Variants in ITFG1 observed in about 807,000 individuals in gnomAD.
ITFG1 encodes the protein integrin alpha FG-GAP repeat containing 1, also known as T-cell immunomodulatory protein.
In ITFG1, 34 loss-of-function variants were observed where a neutral mutation model predicts 81.8. The observed-to-expected ratio is 0.42, with a 90% CI of 0.32 to 0.55. The LOEUF is 0.55. ITFG1 is among the 20% of genes least tolerant of loss of function. ITFG1 has a pLI of 0.17. For missense variants in ITFG1, 672 were observed against 755.4 expected (o/e 0.89, Z 1.29); for synonymous variants, 285 against 270.6 (o/e 1.05, Z -0.52).
At chr16:47,226,649 C>T (rs534957224) in intron 13 of ITFG1, among the ~76,000 whole-genome samples, 17 of 150,946 alleles carry the variant, frequency 1.1e-4, no homozygotes, top group African/African-American at 2.7e-4. Flanking sequence ...TGCGACAGTT[C>T]GCTGAGAATG....
At chr16:47,270,076 G>A (rs566964143) in intron 10 of ITFG1, among the ~76,000 whole-genome samples, 4 of 152,102 alleles carry the variant, frequency 2.6e-5, no homozygotes, top group South Asian at 2.1e-4. Flanking sequence ...AAAGGAACTC[G>A]GATATAATGG....
intron 14 of ITFG1, among the ~76,000 whole-genome samples, chr16:47,178,753 T>G (rs372357914): frequency 6.6e-5 from 10 of 151,808 alleles, no homozygotes; most frequent in South Asian, 2.1e-4. Context: ...AAGAGCTTCT[T>G]CACAGCAAAA....
rs149907648 is a variant in ITFG1 at position 47,237,334 on chromosome 16, TCA to T, written c.1374+629_1374+630del. 1.9e-3 allele frequency among the ~76,000 whole-genome samples: 284 copies of T among 152,336 alleles called. 3 individuals carry two copies. The Middle Eastern group carries it at 0.02, about 11-fold the overall frequency. Reference sequence around the variant, plus strand: ...TTGGATAATTTAACTTCTCTGAGTCTCAGTTTCCTTGTCTTTAAATAGGGGCT... The same window carrying T: ...TTGGATAATTTAACTTCTCTGAGTCTGTTTCCTTGTCTTTAAATAGGGGCT... On this transcript the variant is annotated intron_variant, in intron 13 of 17. Transcript: ENST00000320640.
Position 47,180,912 on chromosome 16 carries a change from G to A in ITFG1, c.1454-18248C>T, listed in dbSNP as rs867867232. The stretch of plus-strand genomic sequence containing the variant: ...TGGAAAGTGAGGAGCGTCTCTGCCC[G>A]GCTGCCATCCTGTCTAGGAAGTGAG... On this transcript the variant is annotated intron_variant, in intron 14 of 17. Transcript: ENST00000320640. 3.9e-4 allele frequency among the ~76,000 whole-genome samples: 59 copies of A among 151,622 alleles called. 1 individual carries two copies. Among genetic ancestry groups the A allele is most frequent in the African/African-American group, 1.2e-3 (51 of 41,312 alleles).
intron 14 of ITFG1, among the ~76,000 whole-genome samples, chr16:47,216,981 T>A (rs1965632665): frequency 6.6e-6 from 1 of 152,130 alleles, no homozygotes; most frequent in Non-Finnish European, 1.5e-5. Flanking sequence ...CATAAAAATA[T>A]ATGCAAATAG....
chr16:47,273,503 A>C (rs1966365024), intron 10 of ITFG1, among the ~76,000 whole-genome samples: 1 of 152,220 alleles, frequency 6.6e-6, no homozygotes, highest in African/African-American at 2.4e-5. Context: ...GAAATAGTCA[A>C]AGGCAATTAA....
intron 3 of ITFG1, 60 bp from the exon 4 acceptor site, chr16:47,452,850 T>C (rs1475982844): frequency 1.2e-6 from 1 of 842,742 alleles, no homozygotes; most frequent in Non-Finnish European, 1.8e-6. Context: ...TTTTGATATC[T>C]ATGCTTAGGA....
intron 2 of ITFG1, among the ~76,000 whole-genome samples, chr16:47,455,098 C>T (rs376776698): frequency 1.3e-5 from 2 of 152,126 alleles, no homozygotes; most frequent in African/African-American, 4.8e-5. Flanking sequence ...CAAAAGTCTA[C>T]AAAAGGAACA....
intron 8 of ITFG1, among the ~76,000 whole-genome samples, chr16:47,360,854 T>A (rs1012501074): frequency 6.6e-6 from 1 of 152,172 alleles, no homozygotes; most frequent in Non-Finnish European, 1.5e-5. Flanking sequence ...AATTTAGAAT[T>A]AACATCTGAA....
intron 14 of ITFG1, among the ~76,000 whole-genome samples, chr16:47,205,185 A>G (rs1345665480): frequency 1.3e-5 from 2 of 152,200 alleles, no homozygotes; most frequent in Non-Finnish European, 2.9e-5. Context: ...CTACATCAGG[A>G]TTTCTCAAGT....
At chr16:47,221,953 C>T (rs1365219045) in intron 13 of ITFG1, among the ~76,000 whole-genome samples, 1 of 152,024 alleles carries the variant, frequency 6.6e-6, no homozygotes, top group African/African-American at 2.4e-5. Context: ...TTTTTTATTG[C>T]ATCTATTTGA....
chr16:47,338,262 T>C (rs911404118), intron 8 of ITFG1, among the ~76,000 whole-genome samples: 9 of 152,118 alleles, frequency 5.9e-5, no homozygotes, highest in African/African-American at 1.2e-4. Context: ...ATAAAAAACA[T>C]TGGCCAGGAG....
chr16:47,421,312 A>AT (rs1053178589), intron 6 of ITFG1, among the ~76,000 whole-genome samples: 26 of 147,530 alleles, frequency 1.8e-4, no homozygotes, highest in South Asian at 1.1e-3. Context: ...ACACATACAT[A>AT]TTTTTTTTTT....
chr16:47,162,556 C>A lies in ITFG1; in HGVS notation c.1562G>T (p.Arg521Leu). Residue 521 changes from arginine (R) to leucine (L), a missense_variant, in exon 15 of 18, where the codon CGT becomes CTT. Physicochemically the swap from Arg to Leu is moderately radical, Grantham distance 102 (BLOSUM62 -2). This residue lies in a region of ITFG1 where 560 missense variants were observed against 625.7 expected (regional missense o/e 0.90). Transcript: ENST00000320640. ...FLDHLYVGIP[R>L]PSGEKSIRKQ... ...TTTACTCACTTTTTCTCCAGATGGA[C>A]GGGGAATACCAACGTAGAGATGGTC... 1 of 1,601,870 alleles carries A rather than the reference C, an allele frequency of 6.2e-7. No homozygotes were observed. Among genetic ancestry groups the A allele is most frequent in the Non-Finnish European group, 8.5e-7 (1 of 1,173,714 alleles).
At chr16:47,165,258 C>T (rs1332029172) in intron 14 of ITFG1, among the ~76,000 whole-genome samples, 1 of 152,186 alleles carries the variant, frequency 6.6e-6, no homozygotes, top group Non-Finnish European at 1.5e-5. Context: ...CTCTGCTAAA[C>T]ATCACTAATG....
chr16:47,439,633 G>A (rs1219892976), intron 5 of ITFG1, among the ~76,000 whole-genome samples: 1 of 152,174 alleles, frequency 6.6e-6, no homozygotes, highest in African/African-American at 2.4e-5. Flanking sequence ...ACAAGCAAAT[G>A]CTGAGAGATT....
At chr16:47,453,385 C>T (rs2151619162) in intron 3 of ITFG1, among the ~76,000 whole-genome samples, 1 of 152,242 alleles carries the variant, frequency 6.6e-6, no homozygotes, top group Non-Finnish European at 1.5e-5. Flanking sequence ...AACCATACTT[C>T]AACTTTTTTG....
At chr16:47,450,400 A>C (rs1214977074) in intron 5 of ITFG1, 2 of 395,682 alleles carry the variant, frequency 5.1e-6, no homozygotes, top group Non-Finnish European at 9.7e-6. Flanking sequence ...ACCAGGTCTG[A>C]CCTTGGTTAG....
At chr16:47,182,081 T>G (rs956919907) in intron 14 of ITFG1, among the ~76,000 whole-genome samples, 39 of 152,034 alleles carry the variant, frequency 2.6e-4, no homozygotes, top group African/African-American at 7.2e-4. Context: ...GAAAACCAGA[T>G]ACCTTTGTTC....
Sources: gnomAD v4.1 joint callset for allele counts (sites outside exome capture counted in the v4.1 genomes callset) on GRCh38, gnomAD v4.1.1 for gene constraint, gnomAD v4.1.1 regional missense constraint, MANE v1.5 for transcripts, NCBI Gene and HGNC (gene_info 2026-07-23, HGNC 2026-07-21) for gene names.